GABBR2: variants seen among roughly 807,000 people sequenced by gnomAD.
GABBR2 encodes gamma-aminobutyric acid type B receptor subunit 2.
In GABBR2, 23 loss-of-function variants were observed where a neutral mutation model predicts 105.6. The ratio of observed to expected loss-of-function variants is 0.22; its 90% CI spans 0.16 to 0.31. The LOEUF (loss-of-function observed/expected upper bound fraction) is 0.31, where lower values mean the gene tolerates loss of function less well. GABBR2 is among the 10% of genes least tolerant of loss of function. GABBR2 has a pLI of 1.00. For missense variants in GABBR2, 734 were observed against 1,245.5 expected, an observed-to-expected ratio of 0.59 and a Z score of 6.18; for synonymous variants, 478 against 499.7, an observed-to-expected ratio of 0.96 and a Z score of 0.58.
At chr9:98,685,567 C>T (rs888540427) in intron 1 of GABBR2, among the ~76,000 whole-genome samples, 1 of 152,236 alleles carries the variant, frequency 6.6e-6, no homozygotes, top group African/African-American at 2.4e-5. Context: ...TGAATTATTT[C>T]TTTCAGATGT....
intron 10 of GABBR2, among the ~76,000 whole-genome samples, chr9:98,386,762 A>G (rs1832079910): frequency 6.6e-6 from 1 of 152,196 alleles, no homozygotes; most frequent in African/African-American, 2.4e-5. Context: ...TGCATTCTCC[A>G]GTTCTGTTAA....
chr9:98,504,256 A>C (rs1827462060), intron 3 of GABBR2, among the ~76,000 whole-genome samples: 1 of 152,248 alleles, frequency 6.6e-6, no homozygotes, highest in Non-Finnish European at 1.5e-5. Flanking sequence ...AGAGAGAAGC[A>C]GAATATTGTT....
chr9:98,601,581 C>T (rs558063246), intron 1 of GABBR2, among the ~76,000 whole-genome samples: 54 of 152,180 alleles, frequency 3.5e-4, no homozygotes, highest in African/African-American at 1.2e-3. Context: ...TCTGCTATCA[C>T]CACAATTTAA....
At chr9:98,665,778 A>G (rs1830325686) in intron 1 of GABBR2, among the ~76,000 whole-genome samples, 1 of 152,222 alleles carries the variant, frequency 6.6e-6, no homozygotes, top group Admixed American at 6.5e-5. Flanking sequence ...ACATTGCTGA[A>G]CGTCCAACCT....
intron 7 of GABBR2, among the ~76,000 whole-genome samples, chr9:98,436,655 G>A (rs1190296131): frequency 6.6e-6 from 1 of 151,288 alleles, no homozygotes; most frequent in Non-Finnish European, 1.5e-5. Context: ...ATTACACCAA[G>A]CTGCCTCCCC....
intron 1 of GABBR2, among the ~76,000 whole-genome samples, chr9:98,695,134 T>C (rs1000947937): frequency 5.9e-5 from 9 of 152,370 alleles, no homozygotes; most frequent in African/African-American, 2.2e-4. Flanking sequence ...TGTTTTACCT[T>C]GTGTTTAGCA....
rs1831723287 is a variant in GABBR2 at position 98,368,605 on chromosome 9, A to G, written c.1770+2859T>C. ...CCAATATGTTTTGTCGATTGTGGCC[A>G]GACGGTTGATGTGTTCTTGCTTGGC... is the stretch of plus-strand genomic sequence containing the variant. On this transcript the variant is annotated intron_variant, in intron 12 of 18. Transcript: ENST00000259455. Among the ~76,000 whole-genome samples, 3 of 152,380 alleles carry G rather than the reference A, an allele frequency of 2.0e-5. No homozygotes were observed. The South Asian group carries it at 6.2e-4, about 32-fold the overall frequency.
chr9:98,532,727 G>C (rs1828090765), intron 3 of GABBR2, among the ~76,000 whole-genome samples: 1 of 152,168 alleles, frequency 6.6e-6, no homozygotes, highest in South Asian at 2.1e-4. Flanking sequence ...CTAGGACAGA[G>C]CCCAAGTGGT....
At chr9:98,315,539 A>G (rs1047202885) in intron 13 of GABBR2, among the ~76,000 whole-genome samples, 3 of 152,224 alleles carry the variant, frequency 2.0e-5, no homozygotes, top group African/African-American at 7.2e-5. Context: ...TACAAGCTGT[A>G]GGTGTTGTCT....
At chr9:98,307,378 T>G (rs2131356833) in intron 14 of GABBR2, among the ~76,000 whole-genome samples, 1 of 152,130 alleles carries the variant, frequency 6.6e-6, no homozygotes, top group Admixed American at 6.5e-5. Context: ...GGTGGTGTGG[T>G]GGGCAGGAGG....
chr9:98,680,451 G>C (rs1003038770), intron 1 of GABBR2, among the ~76,000 whole-genome samples: 7 of 151,578 alleles, frequency 4.6e-5, no homozygotes, highest in African/African-American at 1.7e-4. Context: ...GACTACAGGC[G>C]CCCGCCACTA....
chr9:98,295,528 G>A lies in GABBR2; in HGVS notation c.2543-1626C>T, dbSNP rs79011349. ...GCTAATTAAACCATATATATTAAAT[G>A]AGATGTCTTTTTTTTTGAGACGGAG... On this transcript the variant is annotated intron_variant, in intron 17 of 18. Coordinates refer to ENST00000259455, the MANE Select transcript of GABBR2 (RefSeq NM_005458.8). Among the ~76,000 whole-genome samples, 910 of 145,096 alleles carry A rather than the reference G, an allele frequency of 6.3e-3. 8 individuals are homozygous for A. The highest frequency in any genetic ancestry group is 0.023 in the African/African-American group (840 of 37,090).
intron 18 of GABBR2, among the ~76,000 whole-genome samples, chr9:98,293,406 C>T (rs184100564): frequency 5.3e-4 from 81 of 152,210 alleles, no homozygotes; most frequent in African/African-American, 1.5e-3. Flanking sequence ...TTTTCTTCAC[C>T]GCTGTAACCC....
chr9:98,564,996 C>T (rs1379673101), intron 2 of GABBR2, among the ~76,000 whole-genome samples: 2 of 152,080 alleles, frequency 1.3e-5, no homozygotes, highest in African/African-American at 2.4e-5. Flanking sequence ...GAAAGGGCAT[C>T]GTGCAGTGAG....
chr9:98,406,641 T>C lies in GABBR2; in HGVS notation c.1237-500A>G, dbSNP rs142587044. On this transcript the variant is annotated intron_variant, in intron 7 of 18. Transcript: ENST00000259455. ...TAGGAATAGAGAATGTTTTTCTAAGTTTTTCCTGAATGGTGACGTCAGTCC... is the reference window on the plus strand; with the variant it reads ...TAGGAATAGAGAATGTTTTTCTAAGCTTTTCCTGAATGGTGACGTCAGTCC... Among the ~76,000 whole-genome samples, 39 of 152,282 alleles carry C rather than the reference T, an allele frequency of 2.6e-4. 1 individual carries two copies. Among genetic ancestry groups the C allele is most frequent in the African/African-American group, 9.1e-4 (38 of 41,550 alleles).
chr9:98,685,323 T>C (rs996895638), intron 1 of GABBR2, among the ~76,000 whole-genome samples: 1 of 152,256 alleles, frequency 6.6e-6, no homozygotes, highest in Non-Finnish European at 1.5e-5. Context: ...ACTTTTGAGG[T>C]TTGGGGACAC....
intron 7 of GABBR2, among the ~76,000 whole-genome samples, chr9:98,446,296 T>C (rs554862322): frequency 5.3e-5 from 8 of 152,190 alleles, no homozygotes; most frequent in Non-Finnish European, 1.0e-4. Context: ...AATGATGATG[T>C]AGTTCTTAGG....
chr9:98,444,875 G>GCACACACACA lies in GABBR2; in HGVS notation c.1236+9105_1236+9106insTGTGTGTGTG, dbSNP rs1460062967. 3.1e-5 allele frequency among the ~76,000 whole-genome samples: 3 copies of GCACACACACA among 96,438 alleles called. No individual in the cohort carries two copies. In the Admixed American group the frequency reaches 3.2e-4, roughly 10 times the overall value. 63.3% of individuals were successfully genotyped at this position (96,438 alleles called of 152,430 possible). On this transcript the variant is annotated intron_variant, in intron 7 of 18. Coordinates refer to ENST00000259455, the MANE Select transcript of GABBR2 (RefSeq NM_005458.8). Reference sequence around the variant, plus strand: ...TGCACATGCATATGCACATGCGCGCGCGCGCACACACACACACACACACAC... The same window carrying GCACACACACA: ...TGCACATGCATATGCACATGCGCGCGCACACACACACGCGCACACACACACACACACACAC...
At chr9:98,672,939 T>C (rs1055645919) in intron 1 of GABBR2, among the ~76,000 whole-genome samples, 4 of 152,232 alleles carry the variant, frequency 2.6e-5, no homozygotes, top group African/African-American at 7.2e-5. Flanking sequence ...ATCTTCTACA[T>C]TCACAATAAT....
Sources: gnomAD v4.1 joint callset for allele counts (sites outside exome capture counted in the v4.1 genomes callset) on GRCh38, gnomAD v4.1.1 for gene constraint, MANE v1.5 for transcripts, NCBI Gene and HGNC (gene_info 2026-07-23, HGNC 2026-07-21) for gene names.